Variants in USP45 observed in about 807,000 individuals in gnomAD.
USP45 encodes ubiquitin carboxyl-terminal hydrolase 45.
A neutral mutation model predicts 95.8 loss-of-function variants in USP45; 89 were observed. That is an observed-to-expected ratio of 0.93 (90% CI 0.78 to 1.11). The LOEUF (loss-of-function observed/expected upper bound fraction) is 1.11. USP45 is among the 50% of genes least tolerant of loss of function. The pLI, the probability that USP45 is intolerant of heterozygous loss-of-function variation, is 0.00. For synonymous variants in USP45, 281 were observed against 316.2 expected (o/e 0.89, Z 1.18); for missense variants, 898 against 942.5 (o/e 0.95, Z 0.62).
In USP45 at chr6:99,446,423, G is replaced by T; in HGVS notation, c.1349C>A (p.Ser450Ter). ...CTGGTATGTGACAGTTTCTCCAGATGACAATTTTCTAATACATTTTCGGTC... is the reference window on the plus strand; with the variant it reads ...CTGGTATGTGACAGTTTCTCCAGATTACAATTTTCTAATACATTTTCGGTC... ...IHDRKCIRKL[S>*]SGETVTYQKN... The change falls in exon 14 of 18, where the codon TCA becomes TAA. Residue 450 changes from serine to a stop codon, truncating the protein, a stop_gained. Transcript: ENST00000500704. LOFTEE classifies it high-confidence loss of function. 2 of 1,613,848 alleles carry T rather than the reference G, an allele frequency of 1.2e-6. No homozygotes were observed. The highest frequency in any genetic ancestry group is 2.2e-5 in the South Asian group (2 of 91,012).
intron 16 of USP45, among the ~76,000 whole-genome samples, chr6:99,437,667 C>T (rs868412564): frequency 2.6e-5 from 4 of 151,734 alleles, no homozygotes; most frequent in African/African-American, 4.8e-5. Context: ...TTCTCTCTCT[C>T]TTTTTCTTGA....
At chr6:99,495,326 T>C (rs1796072714) in intron 5 of USP45, among the ~76,000 whole-genome samples, 1 of 152,228 alleles carries the variant, frequency 6.6e-6, no homozygotes, top group East Asian at 1.9e-4. Context: ...TAATACTAAA[T>C]TGGTGTCTTT....
At chr6:99,488,853 ATG>A (rs1794581084) in intron 5 of USP45, 33 bp from the exon 6 acceptor site, 1 of 1,502,034 alleles carries the variant, frequency 6.7e-7, no homozygotes, top group Admixed American at 2.4e-5. Context: ...CTGACACAAG[ATG>A]TAAAGATAAA....
intron 7 of USP45, among the ~76,000 whole-genome samples, chr6:99,483,200 G>T (rs1792861093): frequency 6.6e-6 from 1 of 152,102 alleles, no homozygotes; most frequent in African/African-American, 2.4e-5. Flanking sequence ...CTTAATGTTT[G>T]TACCACTCCA....
rs118190450 is a variant in USP45, at chr6:99,462,293, C to A, written c.1308+2311G>T. The stretch of plus-strand genomic sequence containing the variant: ...TGTCCAGATCTTTGAGGTACAGTTT[C>A]TATATATCATATATGCATATTCTCA... On this transcript the variant is annotated intron_variant, in intron 13 of 17. Transcript: ENST00000500704. 9.7e-3 allele frequency: 9,519 copies of A among 985,004 alleles called. 80 individuals carry two copies. Among genetic ancestry groups the A allele is most frequent in the Non-Finnish European group, 0.011 (8,884 of 829,560 alleles). The allele number at this position is 985,004 out of a possible 1,614,324, so 61.0% of individuals were successfully genotyped here.
At position 99,488,292 on chromosome 6, in the gene USP45, A is replaced by G. The variant is rs778604954; in HGVS notation, c.622T>C (p.Leu208=). The part of the protein sequence containing the change: ...TCFFNAVMQN[L]AQTYTLTDLM... ...TCAGTAAGAGTATAAGTCTGTGCCAAGTTCTAAAAGAAAACAAAATTAAAG... is the reference window on the plus strand; with the variant it reads ...TCAGTAAGAGTATAAGTCTGTGCCAGGTTCTAAAAGAAAACAAAATTAAAG... Residue 208 remains leucine, a synonymous_variant, in exon 7 of 18, where the codon TTG becomes CTG. Coordinates refer to ENST00000500704, the MANE Select transcript of USP45 (RefSeq NM_001346022.3). 1 of 1,596,104 alleles carries G rather than the reference A, an allele frequency of 6.3e-7. No homozygotes were observed. The highest frequency in any genetic ancestry group is 2.2e-5 in the East Asian group (1 of 44,474).
At position 99,466,570 on chromosome 6, in the gene USP45, A is replaced by G. The variant is rs1388483810; in HGVS notation, c.1107+102T>C. The G allele has an allele frequency of 3.1e-6, 3 of 969,076 alleles. No homozygotes were observed. In the African/African-American group the frequency reaches 5.0e-5, roughly 16 times the overall value. The allele number at this position is 969,076 out of a possible 1,614,324, so 60.0% of individuals were successfully genotyped here. A position where few individuals can be genotyped will look rare whatever the true frequency, so the allele number is the denominator to read the frequency against. Reference sequence around the variant, plus strand: ...AGAATCATTATGTAATCATCTGTCAAATTTTAAAAATGACTGCCAATGATT... The same window carrying G: ...AGAATCATTATGTAATCATCTGTCAGATTTTAAAAATGACTGCCAATGATT... On this transcript the variant is annotated intron_variant, in intron 11 of 17. Coordinates refer to ENST00000500704, the MANE Select transcript of USP45 (RefSeq NM_001346022.3).
In USP45 at chr6:99,503,828, T is replaced by A. The variant is rs1797927222; in HGVS notation, c.415A>T (p.Asn139Tyr). 4.4e-6 allele frequency: 7 copies of A among 1,598,780 alleles called. No individual in the cohort carries two copies. The highest frequency in any genetic ancestry group is 5.1e-6 in the Non-Finnish European group (6 of 1,173,422). Residue 139 changes from asparagine to tyrosine, a missense_variant, in exon 5 of 18, where the codon AAT becomes TAT. Asn to Tyr is a moderately radical substitution (Grantham distance 143). Transcript: ENST00000500704. ...ACTATCTGAGCCAAAACCTTCTTAT[T>A]ACAATGCGTTGATAATTTTTCATCA... ...ECDEKLSTHCNKKVLAQIVDF... is the reference protein window; with the variant it reads ...ECDEKLSTHCYKKVLAQIVDF...
chr6:99,449,094 C>T (rs1287871893), intron 13 of USP45, among the ~76,000 whole-genome samples: 2 of 151,928 alleles, frequency 1.3e-5, no homozygotes, highest in Admixed American at 6.6e-5. Context: ...ACCATCAATG[C>T]TAGGAAGAAA....
In USP45 at chr6:99,433,881, G is replaced by A. The variant is rs1780071124; in HGVS notation, c.*1835C>T. 1 of 152,136 alleles carries A rather than the reference G, an allele frequency of 6.6e-6. No individual in the cohort carries two copies. Among genetic ancestry groups the A allele is most frequent in the Non-Finnish European group, 1.5e-5 (1 of 68,012 alleles). 9.4% of individuals were successfully genotyped at this position (152,136 alleles called of 1,614,324 possible). A position where few individuals can be genotyped will look rare whatever the true frequency, so the allele number is the denominator to read the frequency against. On this transcript the variant is annotated 3_prime_UTR_variant, in exon 18 of 18. Coordinates refer to ENST00000500704, the MANE Select transcript of USP45 (RefSeq NM_001346022.3). ...TATCTTTCTGTAAGAAAAATTAGGT[G>A]ATCTATATTTACATTTGGGCAGTGG...
Position 99,433,079 on chromosome 6 carries a change from C to T in USP45, c.*2637G>A, listed in dbSNP as rs1366040854. On this transcript the variant is annotated 3_prime_UTR_variant, in exon 18 of 18. Coordinates refer to ENST00000500704, the MANE Select transcript of USP45 (RefSeq NM_001346022.3). ...GTGATCATGGTTCACTGCACCTTGA[C>T]CTCCTGGGCTCAAGCATCTTCCCCA... 6.6e-6 allele frequency: 1 copy of T among 152,162 alleles called. No individual in the cohort carries two copies. The highest frequency in any genetic ancestry group is 1.9e-4 in the East Asian group (1 of 5,192). The allele number at this position is 152,162 out of a possible 1,614,324, so 9.4% of individuals were successfully genotyped here. A position where few individuals can be genotyped will look rare whatever the true frequency, so the allele number is the denominator to read the frequency against.
chr6:99,443,829 G>C (rs1171851603), intron 14 of USP45, among the ~76,000 whole-genome samples, 167 bp from the exon 15 acceptor site: 1 of 152,100 alleles, frequency 6.6e-6, no homozygotes, highest in African/African-American at 2.4e-5. Context: ...CTGCTAAAAT[G>C]AAAGTAAAGG....
At chr6:99,464,105 G>A (rs1028164648) in intron 13 of USP45, among the ~76,000 whole-genome samples, 3 of 151,938 alleles carry the variant, frequency 2.0e-5, no homozygotes, top group Non-Finnish European at 2.9e-5. Flanking sequence ...TCAGGAGTTC[G>A]AGACCAGCCT....
intron 5 of USP45, among the ~76,000 whole-genome samples, chr6:99,489,738 G>T (rs1431921710): frequency 6.6e-6 from 1 of 152,116 alleles, no homozygotes; most frequent in Non-Finnish European, 1.5e-5. Context: ...CTTGAGGTCA[G>T]GAGTTCAAGA....
At chr6:99,445,234 C>G (rs1189905297) in intron 14 of USP45, among the ~76,000 whole-genome samples, 5 of 152,126 alleles carry the variant, frequency 3.3e-5, no homozygotes, top group Non-Finnish European at 7.3e-5. Flanking sequence ...CCTGTAATCT[C>G]AGCACTTTGG....
chr6:99,496,067 C>G (rs940062800), intron 5 of USP45, among the ~76,000 whole-genome samples: 2 of 152,044 alleles, frequency 1.3e-5, no homozygotes, highest in African/African-American at 4.8e-5. Flanking sequence ...ACTGAAACAA[C>G]GATTTTTAGT....
intron 13 of USP45, among the ~76,000 whole-genome samples, chr6:99,455,451 A>AAACAACAAC (rs148860868): frequency 1.3e-5 from 2 of 150,810 alleles, no homozygotes; most frequent in East Asian, 2.0e-4. Context: ...ACTCTGTCTC[A>AAACAACAAC]AACAACAACA....
intron 5 of USP45, among the ~76,000 whole-genome samples, chr6:99,492,518 G>C (rs1390726695): frequency 6.7e-6 from 1 of 149,876 alleles, no homozygotes; most frequent in African/African-American, 2.5e-5. Context: ...TTTTGAGATA[G>C]AGTCTTGCTC....
intron 15 of USP45, among the ~76,000 whole-genome samples, chr6:99,441,811 T>C (rs779973558): frequency 6.6e-6 from 1 of 152,220 alleles, no homozygotes; most frequent in Non-Finnish European, 1.5e-5. Context: ...CCCATTTTAC[T>C]ATTAGGGTCT....
Sources: gnomAD v4.1 joint callset for allele counts (sites outside exome capture counted in the v4.1 genomes callset) on GRCh38, gnomAD v4.1.1 for gene constraint, MANE v1.5 for transcripts, NCBI Gene and HGNC (gene_info 2026-07-23, HGNC 2026-07-21) for gene names.